The following MYOZ3 variants were observed in gnomAD, a reference collection of about 807,000 sequenced individuals.
MYOZ3 encodes the protein myozenin-3.
In MYOZ3, 19 loss-of-function variants were observed where a neutral mutation model predicts 26.5. The observed-to-expected ratio is 0.72, with a 90% confidence interval of 0.50 to 1.05. The LOEUF (loss-of-function observed/expected upper bound fraction) is 1.05, where lower values mean the gene tolerates loss of function less well. MYOZ3 is among the 50% of genes least tolerant of loss of function. MYOZ3 has a pLI of 0.00. For missense variants in MYOZ3, 322 were observed against 337.1 expected (o/e 0.96, Z 0.35); for synonymous variants, 135 against 138.8 (o/e 0.97, Z 0.19).
chr5:150,671,356 G>A, intron 3 of MYOZ3: 2 of 567,246 alleles, frequency 3.5e-6, no homozygotes, highest in Admixed American at 3.1e-5. Flanking sequence ...AGGACATTGA[G>A]GCTCAGGGAA....
Position 150,665,030 on chromosome 5 carries a change from T to TTC in MYOZ3, c.61+2029_61+2030dup, listed in dbSNP as rs545644575. Among the ~76,000 whole-genome samples the TTC allele has an allele frequency of 9.5e-3, 1,441 of 152,194 alleles. 19 individuals carry two copies. The highest frequency in any genetic ancestry group is 0.033 in the African/African-American group (1,375 of 41,484). On this transcript the variant is annotated intron_variant, in intron 2 of 6. Coordinates refer to ENST00000517768, the MANE Select transcript of MYOZ3 (RefSeq NM_001122853.3). ...CTATGTTCTTTGGCTTTTTTTTTTT[T>TTC]TCATTTAGCAGCATTCCATCCTAGT...
At position 150,677,427 on chromosome 5, in the gene MYOZ3, T is replaced by C. The variant is rs1759030013; in HGVS notation, c.*552T>C. ...GCCTGGACAACAGAGTGAGACTCCT[T>C]CTCAAAAGTAAATAAATAAATAGCA... On this transcript the variant is annotated 3_prime_UTR_variant, in exon 7 of 7. Transcript: ENST00000517768. 1 of 152,684 alleles carries C rather than the reference T, an allele frequency of 6.5e-6. No individual in the cohort carries two copies. 9.5% of individuals were successfully genotyped at this position (152,684 alleles called of 1,614,324 possible).
chr5:150,670,192 A>G (rs1319580102), intron 2 of MYOZ3: 2 of 259,460 alleles, frequency 7.7e-6, no homozygotes, highest in African/African-American at 2.2e-5. Context: ...CACTACCTCC[A>G]CCATTATGGG....
At chr5:150,675,226 T>TTGTGTGCGTG (rs765864243) in intron 6 of MYOZ3, among the ~76,000 whole-genome samples, 37 of 151,476 alleles carry the variant, frequency 2.4e-4, no homozygotes, top group African/African-American at 8.3e-4. Context: ...GGAATGGCGT[T>TTGTGTGCGTG]TGTGTGTGTG....
intron 2 of MYOZ3, 131 bp downstream of exon 2, chr5:150,663,133 G>C (rs1758761148): frequency 1.4e-6 from 1 of 713,324 alleles, no homozygotes; most frequent in African/African-American, 1.9e-5. Flanking sequence ...CTGAGGGAGT[G>C]CCTGTAGAAT....
Position 150,670,515 on chromosome 5 carries a change from C to G in MYOZ3, c.93C>G (p.Ser31Arg). 1 of 1,612,464 alleles carries G rather than the reference C, an allele frequency of 6.2e-7. No homozygotes were observed. The highest frequency in any genetic ancestry group is 1.1e-5 in the South Asian group (1 of 90,848). The change falls in exon 3 of 7, where the codon AGC becomes AGG. Residue 31 changes from serine to arginine, a missense_variant. By Grantham distance (110) the Ser-to-Arg change is moderately radical. Transcript: ENST00000517768. ...VPTLDLGKKL[S>R]VPQDLMMEEL... Reference sequence around the variant, plus strand: ...CGCTGGACCTGGGCAAGAAGCTGAGCGTGCCCCAGGACCTGATGATGGAGG... The same window carrying G: ...CGCTGGACCTGGGCAAGAAGCTGAGGGTGCCCCAGGACCTGATGATGGAGG...
chr5:150,667,195 G>C (rs1758824000), intron 2 of MYOZ3, among the ~76,000 whole-genome samples: 1 of 152,124 alleles, frequency 6.6e-6, no homozygotes, highest in Admixed American at 6.6e-5. Context: ...CAGCACCCAA[G>C]TGACCCCCAG....
intron 1 of MYOZ3, among the ~76,000 whole-genome samples, 155 bp from the exon 2 acceptor site, chr5:150,662,786 C>A (rs931396498): frequency 1.3e-5 from 2 of 152,224 alleles, no homozygotes; most frequent in African/African-American, 4.8e-5. Context: ...TGCACGGAGA[C>A]CCTGAAGTCC....
intron 6 of MYOZ3, among the ~76,000 whole-genome samples, chr5:150,674,857 A>G (rs1042868499): frequency 1.3e-5 from 2 of 152,176 alleles, no homozygotes; most frequent in Admixed American, 1.3e-4. Context: ...TAAAAATACA[A>G]AAATTAGCTG....
chr5:150,662,263 T>C (rs1169870554), intron 1 of MYOZ3, among the ~76,000 whole-genome samples: 1 of 151,920 alleles, frequency 6.6e-6, no homozygotes, highest in Non-Finnish European at 1.5e-5. Context: ...TATTTGCAAA[T>C]CTCTTCCAAG....
chr5:150,673,502 G>A (rs1031255199), intron 6 of MYOZ3, among the ~76,000 whole-genome samples: 15 of 151,928 alleles, frequency 9.9e-5, no homozygotes, highest in Non-Finnish European at 1.8e-4. Flanking sequence ...CACCGTGCCC[G>A]GCTAATTTTT....
intron 6 of MYOZ3, among the ~76,000 whole-genome samples, chr5:150,675,184 C>T (rs1443390114): frequency 6.6e-6 from 1 of 150,940 alleles, no homozygotes; most frequent in African/African-American, 2.5e-5. Context: ...GGGCTCAGAA[C>T]ATTTTGTGTG....
chr5:150,670,356 A>T (rs1758882014), intron 2 of MYOZ3, 128 bp from the exon 3 acceptor site: 1 of 1,062,252 alleles, frequency 9.4e-7, no homozygotes, highest in African/African-American at 1.6e-5. Flanking sequence ...AACAATCATG[A>T]CACCCGGTGT....
intron 3 of MYOZ3, 199 bp downstream of exon 3, chr5:150,670,837 A>T: frequency 4.8e-6 from 1 of 210,000 alleles, no homozygotes; most frequent in Non-Finnish European, 8.5e-6. Flanking sequence ...AACAAAGTGG[A>T]TTAGGGGGTT....
chr5:150,668,522 G>A (rs991791310), intron 2 of MYOZ3, among the ~76,000 whole-genome samples: 19 of 152,274 alleles, frequency 1.2e-4, no homozygotes, highest in East Asian at 7.7e-4. Flanking sequence ...CCCAGGCTCC[G>A]TCTCTGATCC....
In MYOZ3 at chr5:150,672,515, G is replaced by A. The variant is rs780211305; in HGVS notation, c.587+13G>A. On this transcript the variant is annotated intron_variant, in intron 6 of 6. Coordinates refer to ENST00000517768, the MANE Select transcript of MYOZ3 (RefSeq NM_001122853.3). Reference sequence around the variant, plus strand: ...GAAATTTCAACAAGTAAGGCGGGGCGGGCAGCCCGGGGGACAGACCGGGAG... The same window carrying A: ...GAAATTTCAACAAGTAAGGCGGGGCAGGCAGCCCGGGGGACAGACCGGGAG... 2.6e-6 allele frequency: 4 copies of A among 1,551,164 alleles called. No individual in the cohort carries two copies. The South Asian group carries it at 3.7e-5, about 14-fold the overall frequency.
At chr5:150,673,999 C>G (rs1447212001) in intron 6 of MYOZ3, among the ~76,000 whole-genome samples, 1 of 152,134 alleles carries the variant, frequency 6.6e-6, no homozygotes, top group African/African-American at 2.4e-5. Flanking sequence ...GGAAAATCAG[C>G]ACATATGAGG....
At chr5:150,676,674 C>T in intron 6 of MYOZ3, 33 bp from the exon 7 acceptor site, 1 of 1,603,476 alleles carries the variant, frequency 6.2e-7, no homozygotes, top group South Asian at 1.1e-5. Flanking sequence ...CTGTTCCACA[C>T]AGCCCACCTC....
chr5:150,668,055 T>A (rs775978532), intron 2 of MYOZ3, among the ~76,000 whole-genome samples: 5 of 152,232 alleles, frequency 3.3e-5, no homozygotes, highest in African/African-American at 4.8e-5. Flanking sequence ...TTGGTTGCTA[T>A]GGCTCCTAAA....
Sources: gnomAD v4.1 joint callset for allele counts (sites outside exome capture counted in the v4.1 genomes callset) on GRCh38, gnomAD v4.1.1 for gene constraint, MANE v1.5 for transcripts, NCBI Gene and HGNC (gene_info 2026-07-23, HGNC 2026-07-21) for gene names.